The following CNTN4 variants were observed in gnomAD, a reference collection of about 807,000 sequenced individuals.
CNTN4 encodes contactin-4.
A neutral mutation model predicts 122.5 loss-of-function variants in CNTN4; 77 were observed. That is an observed-to-expected ratio of 0.63 (90% CI 0.52 to 0.76). CNTN4 has a LOEUF of 0.76. Among genes scored for constraint, CNTN4 ranks in the 30% least tolerant of loss-of-function variants. The pLI is 0.00. For synonymous variants in CNTN4, 512 were observed against 447.0 expected, an observed-to-expected ratio of 1.15 and a Z score of -1.83; for missense variants, 1,256 against 1,259.1, an observed-to-expected ratio of 1.00 and a Z score of 0.04.
Position 2,125,921 on chromosome 3 carries a change from GTGTGTGTA to G in CNTN4, c.-145+25298_-145+25305del, listed in dbSNP as rs1216575432. 6.6e-5 allele frequency among the ~76,000 whole-genome samples: 10 copies of G among 150,596 alleles called. No individual in the cohort carries two copies. The East Asian group carries it at 1.2e-3, about 18-fold the overall frequency. Reference sequence around the variant, plus strand: ...TGTGTGTGTGTGTGTGTGTGTGTGTGTGTGTGTATGTGTGTATGTGTGTGTGTTTTAAT... The same window carrying G: ...TGTGTGTGTGTGTGTGTGTGTGTGTGTGTGTGTATGTGTGTGTGTTTTAAT... On this transcript the variant is annotated intron_variant, in intron 2 of 24. Coordinates refer to ENST00000418658, the MANE Select transcript of CNTN4 (RefSeq NM_175607.3).
intron 2 of CNTN4, among the ~76,000 whole-genome samples, chr3:2,217,108 C>G (rs2038875774): frequency 6.6e-6 from 1 of 152,110 alleles, no homozygotes. Flanking sequence ...GTTTCTCTCC[C>G]AAGGATTGAA....
At chr3:2,966,515 T>C (rs1178475772) in intron 13 of CNTN4, among the ~76,000 whole-genome samples, 1 of 152,090 alleles carries the variant, frequency 6.6e-6, no homozygotes, top group East Asian at 1.9e-4. Flanking sequence ...AGTTAATGGA[T>C]ACGAAAATGT....
At chr3:2,582,543 C>T (rs930678686) in intron 4 of CNTN4, among the ~76,000 whole-genome samples, 2 of 152,172 alleles carry the variant, frequency 1.3e-5, no homozygotes, top group Admixed American at 6.5e-5. Context: ...TGTGCAACTT[C>T]TTTAATTAGA....
At chr3:2,738,339 A>G (rs908495) in intron 5 of CNTN4, among the ~76,000 whole-genome samples, 5 of 152,072 alleles carry the variant, frequency 3.3e-5, no homozygotes, top group African/African-American at 1.2e-4. Flanking sequence ...AAGATAAAAT[A>G]TTCAGTACAG....
At chr3:2,235,562 G>T (rs923244604) in intron 2 of CNTN4, among the ~76,000 whole-genome samples, 1 of 151,876 alleles carries the variant, frequency 6.6e-6, no homozygotes, top group African/African-American at 2.4e-5. Context: ...AATGCAAATT[G>T]TGTTGTCTGT....
chr3:2,332,638 G>A (rs1234948840), intron 2 of CNTN4, among the ~76,000 whole-genome samples: 1 of 149,180 alleles, frequency 6.7e-6, no homozygotes, highest in South Asian at 2.1e-4. Context: ...ACCAAACACC[G>A]CATATTGTCA....
chr3:2,384,968 AT>A (rs2046190420), intron 3 of CNTN4, among the ~76,000 whole-genome samples: 1 of 151,954 alleles, frequency 6.6e-6, no homozygotes, highest in African/African-American at 2.4e-5. Flanking sequence ...GTTCAAACTC[AT>A]TTGGCTTGAA....
At chr3:2,617,303 C>A (rs71311716) in intron 4 of CNTN4, among the ~76,000 whole-genome samples, 1 of 151,740 alleles carries the variant, frequency 6.6e-6, no homozygotes, top group Non-Finnish European at 1.5e-5. Context: ...AAGAAAAAAA[C>A]AACCCCATCA....
intron 2 of CNTN4, among the ~76,000 whole-genome samples, chr3:2,145,628 A>T (rs917920434): frequency 2.6e-5 from 4 of 152,194 alleles, no homozygotes; most frequent in Admixed American, 6.5e-5. Context: ...TCCACCTCAC[A>T]TTCAGTTTAA....
intron 7 of CNTN4, among the ~76,000 whole-genome samples, chr3:2,829,665 C>T (rs1311955872): frequency 2.0e-5 from 3 of 152,190 alleles, no homozygotes; most frequent in Non-Finnish European, 4.4e-5. Flanking sequence ...TTTAAAACAA[C>T]TTGAATGTTT....
intron 2 of CNTN4, among the ~76,000 whole-genome samples, chr3:2,128,182 C>T (rs2034273109): frequency 6.6e-6 from 1 of 152,166 alleles, no homozygotes; most frequent in African/African-American, 2.4e-5. Flanking sequence ...AACCGTCTGC[C>T]AGTTTCTTTT....
At chr3:2,447,699 A>G (rs1402982973) in intron 3 of CNTN4, among the ~76,000 whole-genome samples, 2 of 152,124 alleles carry the variant, frequency 1.3e-5, no homozygotes, top group African/African-American at 4.8e-5. Context: ...AAATGTATAT[A>G]CCTTATATGT....
At chr3:2,104,147 G>A (rs2125095629) in intron 2 of CNTN4, among the ~76,000 whole-genome samples, 1 of 151,888 alleles carries the variant, frequency 6.6e-6, no homozygotes, top group South Asian at 2.1e-4. Context: ...CTTTCCCTGA[G>A]CCTCACATCC....
chr3:2,384,391 T>C (rs1164542386), intron 3 of CNTN4, among the ~76,000 whole-genome samples: 1 of 152,116 alleles, frequency 6.6e-6, no homozygotes, highest in Non-Finnish European at 1.5e-5. Flanking sequence ...TCTTCCAAAG[T>C]CGCCTAATTA....
chr3:2,547,552 A>C (rs1486829447), intron 3 of CNTN4, among the ~76,000 whole-genome samples: 1 of 152,112 alleles, frequency 6.6e-6, no homozygotes, highest in African/African-American at 2.4e-5. Flanking sequence ...GGCGTGAGCC[A>C]TCATGCCTGG....
At chr3:2,734,063 G>A (rs2088896597) in intron 4 of CNTN4, among the ~76,000 whole-genome samples, 2 of 151,932 alleles carry the variant, frequency 1.3e-5, no homozygotes, top group Admixed American at 1.3e-4. Flanking sequence ...GTTTTTTGTT[G>A]TTTTGTTTTG....
chr3:2,733,123 G>A (rs527913401), intron 4 of CNTN4, among the ~76,000 whole-genome samples: 2 of 152,270 alleles, frequency 1.3e-5, no homozygotes, highest in East Asian at 1.9e-4. Flanking sequence ...TGCATCCTGA[G>A]TAATCATTAT....
At chr3:2,502,789 G>C (rs182336853) in intron 3 of CNTN4, among the ~76,000 whole-genome samples, 12 of 152,038 alleles carry the variant, frequency 7.9e-5, no homozygotes, top group Non-Finnish European at 1.6e-4. Context: ...ATAAATTACC[G>C]AATCACAGCT....
At chr3:2,450,498 T>G (rs1259339217) in intron 3 of CNTN4, among the ~76,000 whole-genome samples, 1 of 152,206 alleles carries the variant, frequency 6.6e-6, no homozygotes, top group East Asian at 1.9e-4. Flanking sequence ...GCTATGATGA[T>G]TCTCAATATT....
Sources: gnomAD v4.1 joint callset for allele counts (sites outside exome capture counted in the v4.1 genomes callset) on GRCh38, gnomAD v4.1.1 for gene constraint, MANE v1.5 for transcripts, NCBI Gene and HGNC (gene_info 2026-07-23, HGNC 2026-07-21) for gene names.